The following TVP23C variants were observed in gnomAD, a reference collection of about 807,000 sequenced individuals.
The protein encoded by TVP23C is Golgi apparatus membrane protein TVP23 homolog C.
A neutral mutation model predicts 28.7 loss-of-function variants in TVP23C; 19 were observed. The observed-to-expected ratio is 0.66, with a 90% CI of 0.46 to 0.97. TVP23C has a LOEUF of 0.97. TVP23C is among the 50% of genes least tolerant of loss of function. The probability of loss-of-function intolerance (pLI) is 0.00; values close to 1 mark genes in which losing one functional copy is unlikely to be tolerated. For synonymous variants in TVP23C, 68 were observed against 81.7 expected, an observed-to-expected ratio of 0.83 and a Z score of 0.90; for missense variants, 186 against 241.3, an observed-to-expected ratio of 0.77 and a Z score of 1.52.
chr17:15,553,546 G>C (rs1983989780), intron 3 of TVP23C, 139 bp downstream of exon 3: 1 of 793,140 alleles, frequency 1.3e-6, no homozygotes, highest in African/African-American at 1.9e-5. Flanking sequence ...AAAACTACAT[G>C]CAATTTGATA....
chr17:15,508,222 T>C (rs1290645759), intron 5 of TVP23C, among the ~76,000 whole-genome samples: 1 of 152,154 alleles, frequency 6.6e-6, no homozygotes, highest in Non-Finnish European at 1.5e-5. Flanking sequence ...ACTGGCTCCA[T>C]GACCTCCACC....
chr17:15,535,898 GT>G (rs1274393263), downstream of TVP23C, among the ~76,000 whole-genome samples: 4 of 152,128 alleles, frequency 2.6e-5, no homozygotes, highest in East Asian at 7.7e-4. Context: ...TTTATTAAAA[GT>G]TCAAACAGGT....
At chr17:15,535,963 G>A (rs7226342), downstream of TVP23C, among the ~76,000 whole-genome samples, 41,430 of 151,960 alleles carry the variant, frequency 0.27, 6,678 homozygotes, top group African/African-American at 0.45. Flanking sequence ...AGGCTGAGGC[G>A]GGCGGATCAC....
At chr17:15,510,057 A>G (rs1177624812) in intron 5 of TVP23C, among the ~76,000 whole-genome samples, 2 of 151,436 alleles carry the variant, frequency 1.3e-5, no homozygotes, top group South Asian at 2.1e-4. Flanking sequence ...AAAAAACAGC[A>G]AAAGTGCTAC....
At chr17:15,508,630 C>T (rs1981872767) in intron 5 of TVP23C, among the ~76,000 whole-genome samples, 1 of 152,230 alleles carries the variant, frequency 6.6e-6, no homozygotes, top group Admixed American at 6.5e-5. Flanking sequence ...CCCAAAGCTC[C>T]ACCACCTTAC....
chr17:15,523,033 G>A (rs1269826941), intron 5 of TVP23C, among the ~76,000 whole-genome samples: 2 of 151,206 alleles, frequency 1.3e-5, no homozygotes, highest in Non-Finnish European at 2.9e-5. Context: ...TTTTGGAGAC[G>A]TAGTCTCGCT....
At chr17:15,535,180 G>A (rs1396131088), downstream of TVP23C, among the ~76,000 whole-genome samples, 1 of 151,786 alleles carries the variant, frequency 6.6e-6, no homozygotes, top group East Asian at 1.9e-4. Flanking sequence ...TTATTATAAT[G>A]TAATCTTAAC....
chr17:15,506,370 A>G (rs573285568), intron 5 of TVP23C, among the ~76,000 whole-genome samples: 6 of 152,140 alleles, frequency 3.9e-5, no homozygotes, highest in African/African-American at 1.4e-4. Context: ...TGAGTGCACC[A>G]GTCGACACTC....
At chr17:15,546,001 A>T in intron 4 of TVP23C, 85 bp from the exon 5 acceptor site, 2 of 1,533,136 alleles carry the variant, frequency 1.3e-6, no homozygotes, top group Non-Finnish European at 1.8e-6. Flanking sequence ...CATATTACCC[A>T]CAAGTTCAAA....
intron 5 of TVP23C, among the ~76,000 whole-genome samples, chr17:15,517,876 C>T (rs1209158316): frequency 6.6e-6 from 1 of 152,154 alleles, no homozygotes; most frequent in Non-Finnish European, 1.5e-5. Flanking sequence ...CAAGAATGTT[C>T]CCAGCCTCAG....
In TVP23C at chr17:15,550,550, T is replaced by C. The variant is rs1219748886; in HGVS notation, c.240+3135A>G. 2.0e-5 allele frequency among the ~76,000 whole-genome samples: 3 copies of C among 152,322 alleles called. No homozygotes were observed. In the East Asian group the frequency reaches 5.8e-4, roughly 29 times the overall value. ...CAGATCCTTCAGAACTTATTTATTTTTTGGCACTTTGGTTTGTTTAAGATA... is the reference window on the plus strand; with the variant it reads ...CAGATCCTTCAGAACTTATTTATTTCTTGGCACTTTGGTTTGTTTAAGATA... On this transcript the variant is annotated intron_variant, in intron 3 of 5. Coordinates refer to ENST00000518321, the MANE Select transcript of TVP23C (RefSeq NM_001135036.2).
intron 2 of TVP23C, among the ~76,000 whole-genome samples, chr17:15,555,036 C>A (rs1191311900): frequency 5.9e-5 from 9 of 152,120 alleles, no homozygotes; most frequent in Non-Finnish European, 1.5e-5. Context: ...GAAAATAGCA[C>A]AGAATTAAAA....
In TVP23C at chr17:15,539,354, T is replaced by C; in HGVS notation, c.*1058A>G. 2.1e-6 allele frequency: 2 copies of C among 973,028 alleles called. No individual in the cohort carries two copies. Among genetic ancestry groups the C allele is most frequent in the Non-Finnish European group, 2.4e-6 (2 of 818,686 alleles). 60.3% of individuals were successfully genotyped at this position (973,028 alleles called of 1,614,324 possible). On this transcript the variant is annotated 3_prime_UTR_variant, in exon 6 of 6. Transcript: ENST00000518321. ...CAGGCGCCGTGGCTCACGCCTGTAA[T>C]CCCAGCACTTTGGGAGGCGGAGGCA...
At position 15,511,053 on chromosome 17, in the gene TVP23C, CAAAAAAA is replaced by C. The variant is rs58794054; in HGVS notation, c.463-7828_463-7822del. Among the ~76,000 whole-genome samples the C allele has an allele frequency of 6.4e-4, 53 of 83,416 alleles. 3 individuals carry two copies. Among genetic ancestry groups the C allele is most frequent in the Non-Finnish European group, 2.1e-4 (9 of 43,272 alleles). 54.7% of individuals were successfully genotyped at this position (83,416 alleles called of 152,430 possible). A position where few individuals can be genotyped will look rare whatever the true frequency, so the allele number is the denominator to read the frequency against. ...TGGGTGACAGGGCCAGACTTCGTCT[CAAAAAAA>C]AAAAAAAAAAAAAAAAGATAATGGA... On this transcript the variant is annotated intron_variant, in intron 5 of 5. Coordinates refer to the TVP23C transcript ENST00000225576.
At chr17:15,531,619 T>C (rs1394453207) in intron 5 of TVP23C, among the ~76,000 whole-genome samples, 1 of 152,360 alleles carries the variant, frequency 6.6e-6, no homozygotes, top group East Asian at 1.9e-4. Flanking sequence ...ATGTTTTCTA[T>C]TTACTGATAC....
chr17:15,552,458 G>A (rs908209900), intron 3 of TVP23C, among the ~76,000 whole-genome samples: 2 of 152,166 alleles, frequency 1.3e-5, no homozygotes, highest in African/African-American at 4.8e-5. Flanking sequence ...GAGGCGGGCA[G>A]ATCACTTGAC....
rs183775214 is a variant in TVP23C at position 15,542,697 on chromosome 17, G to C, written c.463-2136C>G. ...TCACCGTGTTAGCCAGGATGGTCTC[G>C]ATCTCCTGACCTCGTGATCCGCCCG... On this transcript the variant is annotated intron_variant, in intron 5 of 5. Transcript: ENST00000518321. Among the ~76,000 whole-genome samples the C allele has an allele frequency of 1.2e-3, 186 of 152,104 alleles. 2 individuals carry two copies. Among genetic ancestry groups the C allele is most frequent in the African/African-American group, 3.5e-3 (147 of 41,498 alleles).
At chr17:15,556,220 A>G (rs1275796750) in intron 1 of TVP23C, among the ~76,000 whole-genome samples, 1 of 151,890 alleles carries the variant, frequency 6.6e-6, no homozygotes, top group East Asian at 1.9e-4. Context: ...CCTGGCCTCT[A>G]TTGAATCTTT....
At position 15,538,246 on chromosome 17, in the gene TVP23C, A is replaced by G. The variant is rs911376398; in HGVS notation, c.*2166T>C. 124 of 1,597,604 alleles carry G rather than the reference A, an allele frequency of 7.8e-5. No homozygotes were observed. Among genetic ancestry groups the G allele is most frequent in the Non-Finnish European group, 1.0e-4 (118 of 1,172,746 alleles). On this transcript the variant is annotated 3_prime_UTR_variant, in exon 6 of 6. Coordinates refer to ENST00000518321, the MANE Select transcript of TVP23C (RefSeq NM_001135036.2). ...GCCTAGGCCTAGGAAAACATTCTAT[A>G]TTTCTAAGCAGAGCATTACCTTACA...
Sources: allele counts gnomAD v4.1 joint callset (sites outside exome capture counted in the v4.1 genomes callset), GRCh38; gene constraint gnomAD v4.1.1; transcripts MANE v1.5; gene names NCBI Gene and HGNC (gene_info 2026-07-23, HGNC 2026-07-21).